INTS7: variants seen among roughly 807,000 people sequenced by gnomAD.
INTS7 encodes the protein chromosome 1 open reading frame 73.
A neutral mutation model predicts 109.2 loss-of-function variants in INTS7; 46 were observed. The ratio of observed to expected loss-of-function variants is 0.42; its 90% CI spans 0.33 to 0.54. The LOEUF (loss-of-function observed/expected upper bound fraction) is 0.54. Ranked by LOEUF, INTS7 falls within the 20% of genes least tolerant of loss-of-function variation. The pLI is 0.07. For synonymous variants in INTS7, 412 were observed against 402.9 expected, an observed-to-expected ratio of 1.02 and a Z score of -0.27; for missense variants, 929 against 1,132.4, an observed-to-expected ratio of 0.82 and a Z score of 2.58.
intron 9 of INTS7, among the ~76,000 whole-genome samples, chr1:211,981,450 C>T (rs1664661350): frequency 6.6e-6 from 1 of 152,040 alleles, no homozygotes; most frequent in South Asian, 2.1e-4. Context: ...GAGCTAAAGC[C>T]ACAAAGCTAT....
intron 7 of INTS7, among the ~76,000 whole-genome samples, chr1:211,999,533 T>C (rs149003378): frequency 8.2e-4 from 125 of 152,244 alleles, no homozygotes; most frequent in African/African-American, 2.6e-3. Context: ...TGGTGGTGGT[T>C]TTGTACATTT....
intron 17 of INTS7, 32 bp downstream of exon 17, chr1:211,952,537 A>G (rs571166310): frequency 1.9e-6 from 3 of 1,605,626 alleles, no homozygotes; most frequent in Non-Finnish European, 2.6e-6. Flanking sequence ...ACATCCATAC[A>G]ATAAAAGCTC....
At chr1:211,992,391 T>C (rs371748211) in intron 7 of INTS7, among the ~76,000 whole-genome samples, 1 of 152,184 alleles carries the variant, frequency 6.6e-6, no homozygotes, top group Non-Finnish European at 1.5e-5. Flanking sequence ...TAGAAAATCT[T>C]GTGATAAAAT....
intron 8 of INTS7, among the ~76,000 whole-genome samples, chr1:211,986,325 T>C (rs752616194): frequency 6.6e-6 from 1 of 152,120 alleles, no homozygotes; most frequent in South Asian, 2.1e-4. Flanking sequence ...CCCACCTGAG[T>C]ACAGTCAAAA....
chr1:211,983,430 A>G (rs1365761277), intron 8 of INTS7, among the ~76,000 whole-genome samples: 1 of 152,174 alleles, frequency 6.6e-6, no homozygotes, highest in Non-Finnish European at 1.5e-5. Flanking sequence ...TCTGCTTTAT[A>G]CCTTAAATTC....
At chr1:212,032,450 C>A (rs1000908694) in intron 1 of INTS7, among the ~76,000 whole-genome samples, 1 of 151,922 alleles carries the variant, frequency 6.6e-6, no homozygotes, top group South Asian at 2.1e-4. Flanking sequence ...ATGGCTTGCA[C>A]GGCCCTACCT....
chr1:211,995,863 C>A (rs562219583), intron 7 of INTS7, among the ~76,000 whole-genome samples: 1 of 152,208 alleles, frequency 6.6e-6, no homozygotes, highest in South Asian at 2.1e-4. Context: ...GAAAGTGGGC[C>A]CTCACCAGAC....
intron 1 of INTS7, among the ~76,000 whole-genome samples, chr1:212,021,856 T>A (rs115899895): frequency 0.037 from 5,555 of 151,782 alleles, 147 homozygotes; most frequent in Non-Finnish European, 0.059. Context: ...TCAAAAAAAA[T>A]TTTTTAATAA....
intron 17 of INTS7, among the ~76,000 whole-genome samples, chr1:211,948,855 G>A (rs1481520471): frequency 6.6e-6 from 1 of 152,200 alleles, no homozygotes; most frequent in Non-Finnish European, 1.5e-5. Context: ...TTACAGGCAT[G>A]CGCCACCACG....
intron 8 of INTS7, among the ~76,000 whole-genome samples, chr1:211,986,141 T>C (rs1664884571): frequency 6.6e-6 from 1 of 152,092 alleles, no homozygotes; most frequent in Admixed American, 6.5e-5. Flanking sequence ...CCAACCAACA[T>C]CCTGAAAACA....
chr1:212,006,083 G>T (rs1418421765), intron 7 of INTS7, among the ~76,000 whole-genome samples: 1 of 151,982 alleles, frequency 6.6e-6, no homozygotes, highest in Non-Finnish European at 1.5e-5. Flanking sequence ...AACAAACAGG[G>T]TTCTATTTTG....
Position 211,998,978 on chromosome 1 carries a change from T to C in INTS7, c.879+7661A>G, listed in dbSNP as rs139540229. ...ACCACTACACACTATTACAAAACCA[T>C]ACAACACAAAGTGCTGGCAAGGATA... On this transcript the variant is annotated intron_variant, in intron 7 of 19. Coordinates refer to ENST00000366994, the MANE Select transcript of INTS7 (RefSeq NM_015434.4). Among the ~76,000 whole-genome samples, 820 of 152,290 alleles carry C rather than the reference T, an allele frequency of 5.4e-3. 4 individuals carry two copies. The highest frequency in any genetic ancestry group is 0.019 in the African/African-American group (777 of 41,568).
chr1:211,983,506 G>GT (rs1664751953), intron 8 of INTS7, among the ~76,000 whole-genome samples: 1 of 152,262 alleles, frequency 6.6e-6, no homozygotes, highest in African/African-American at 2.4e-5. Flanking sequence ...GGTTCATGTT[G>GT]TAACTATTGT....
intron 17 of INTS7, among the ~76,000 whole-genome samples, chr1:211,948,376 A>G (rs1662931765): frequency 6.6e-6 from 1 of 152,218 alleles, no homozygotes; most frequent in Non-Finnish European, 1.5e-5. Flanking sequence ...GCAACAAGTA[A>G]TTTGGAAAGT....
chr1:211,967,217 C>A (rs1351499635), intron 15 of INTS7, among the ~76,000 whole-genome samples: 1 of 152,040 alleles, frequency 6.6e-6, no homozygotes, highest in African/African-American at 2.4e-5. Context: ...AATCCCAGCA[C>A]TTTTAGGTAG....
chr1:211,969,185 T>A (rs926283302), intron 13 of INTS7, among the ~76,000 whole-genome samples: 57 of 151,086 alleles, frequency 3.8e-4, no homozygotes, highest in African/African-American at 1.3e-3. Flanking sequence ...CTCGGGAGGC[T>A]GAGGCAGGAG....
chr1:212,010,378 C>T (rs1343088474), intron 5 of INTS7, among the ~76,000 whole-genome samples: 1 of 152,132 alleles, frequency 6.6e-6, no homozygotes, highest in Non-Finnish European at 1.5e-5. Context: ...ATACACATGA[C>T]TTATGGTATA....
chr1:212,024,411 C>G (rs114128634), intron 1 of INTS7, among the ~76,000 whole-genome samples: 3,980 of 152,180 alleles, frequency 0.026, 59 homozygotes, highest in African/African-American at 0.046. Flanking sequence ...TTGTAGAGAT[C>G]TTTCACCTCC....
intron 1 of INTS7, 55 bp downstream of exon 1, chr1:212,035,289 T>C: frequency 8.5e-7 from 1 of 1,180,226 alleles, no homozygotes; most frequent in Non-Finnish European, 1.3e-6. Context: ...CACCACCTGG[T>C]GGCGCCACTT....
Sources: gnomAD v4.1 joint callset for allele counts (sites outside exome capture counted in the v4.1 genomes callset) on GRCh38, gnomAD v4.1.1 for gene constraint, MANE v1.5 for transcripts, NCBI Gene and HGNC (gene_info 2026-07-23, HGNC 2026-07-21) for gene names.